The following PTPRD variants were observed in gnomAD, a reference collection of about 807,000 sequenced individuals.
The protein encoded by PTPRD is receptor-type tyrosine-protein phosphatase delta.
Under a neutral mutation model 214.5 loss-of-function variants are expected in PTPRD, and 34 were observed. The ratio of observed to expected loss-of-function variants is 0.16; its 90% CI spans 0.12 to 0.21. The LOEUF is 0.21. Among genes scored for constraint, PTPRD ranks in the 10% least tolerant of loss-of-function variants. The probability of loss-of-function intolerance (pLI) is 1.00; values close to 1 mark genes in which losing one functional copy is unlikely to be tolerated. For missense variants in PTPRD, 2,545 were observed against 2,398.7 expected (o/e 1.06, Z -1.27); for synonymous variants, 1,128 against 845.7 (o/e 1.33, Z -5.79).
chr9:10,168,183 C>G (rs2099170899), intron 3 of PTPRD, among the ~76,000 whole-genome samples: 2 of 152,090 alleles, frequency 1.3e-5, no homozygotes, highest in South Asian at 4.2e-4. Flanking sequence ...GTAGTTGTCA[C>G]AATAAATCAA....
At chr9:9,704,601 C>T (rs912412985) in intron 7 of PTPRD, among the ~76,000 whole-genome samples, 4 of 152,140 alleles carry the variant, frequency 2.6e-5, no homozygotes, top group African/African-American at 7.2e-5. Flanking sequence ...GCCAAAGTAA[C>T]GTTCTGGAAC....
chr9:10,047,164 CAAT>C (rs2097417001), intron 3 of PTPRD, among the ~76,000 whole-genome samples: 1 of 151,840 alleles, frequency 6.6e-6, no homozygotes, highest in Non-Finnish European at 1.5e-5. Flanking sequence ...CATAAAATTA[CAAT>C]GTTTGAAGAC....
chr9:10,200,677 A>G (rs2099416218), intron 3 of PTPRD, among the ~76,000 whole-genome samples: 2 of 152,114 alleles, frequency 1.3e-5, no homozygotes, highest in African/African-American at 4.8e-5. Context: ...TTATTGCAGA[A>G]AGGACTTAGA....
At chr9:9,782,349 C>T (rs1402097882) in intron 5 of PTPRD, among the ~76,000 whole-genome samples, 1 of 152,096 alleles carries the variant, frequency 6.6e-6, no homozygotes, top group Admixed American at 6.6e-5. Flanking sequence ...GAATTCCTAA[C>T]CCCTTAAAGT....
chr9:9,798,496 C>T (rs1361741820), intron 5 of PTPRD, among the ~76,000 whole-genome samples: 4 of 152,110 alleles, frequency 2.6e-5, no homozygotes, highest in African/African-American at 7.2e-5. Context: ...GACATAAGGA[C>T]GTTCCTTTCT....
At chr9:10,323,202 T>TCCCTC (rs1197328143) in intron 3 of PTPRD, among the ~76,000 whole-genome samples, 49 of 95,086 alleles carry the variant, frequency 5.2e-4, no homozygotes, top group African/African-American at 2.1e-3. Context: ...TCTTTCTTCT[T>TCCCTC]CCCTCCCCTC....
At chr9:9,303,126 A>G (rs896582104) in intron 9 of PTPRD, among the ~76,000 whole-genome samples, 1 of 152,012 alleles carries the variant, frequency 6.6e-6, no homozygotes, top group Admixed American at 6.6e-5. Flanking sequence ...GAGGGAGATA[A>G]TTTGGAAATA....
At chr9:9,263,686 G>T (rs1032579789) in intron 9 of PTPRD, among the ~76,000 whole-genome samples, 1 of 151,536 alleles carries the variant, frequency 6.6e-6, no homozygotes, top group Non-Finnish European at 1.5e-5. Flanking sequence ...GCTAGCCACA[G>T]AAGATATTAA....
chr9:10,547,888 G>A (rs917587467), intron 2 of PTPRD, among the ~76,000 whole-genome samples: 21 of 152,004 alleles, frequency 1.4e-4, no homozygotes, highest in African/African-American at 4.1e-4. Flanking sequence ...GGTTGGGATC[G>A]TGTTTTAATA....
At chr9:10,453,192 C>A (rs1472871783) in intron 2 of PTPRD, among the ~76,000 whole-genome samples, 1 of 151,676 alleles carries the variant, frequency 6.6e-6, no homozygotes, top group African/African-American at 2.4e-5. Context: ...TGTTTTCATA[C>A]CAATACCATA....
At chr9:10,133,896 A>C (rs1355326018) in intron 3 of PTPRD, among the ~76,000 whole-genome samples, 1 of 152,156 alleles carries the variant, frequency 6.6e-6, no homozygotes, top group Non-Finnish European at 1.5e-5. Flanking sequence ...GGTGAGTTTA[A>C]CTACTTTTTT....
intron 3 of PTPRD, among the ~76,000 whole-genome samples, chr9:10,267,472 G>A (rs570276923): frequency 3.9e-5 from 6 of 152,120 alleles, no homozygotes; most frequent in African/African-American, 1.4e-4. Context: ...TTTTTTAATG[G>A]TTAAGTTTTT....
At chr9:9,817,917 A>T (rs1598659247) in intron 5 of PTPRD, among the ~76,000 whole-genome samples, 1 of 152,194 alleles carries the variant, frequency 6.6e-6, no homozygotes. Context: ...AGGATACTCC[A>T]CCATTTTAAG....
At chr9:8,400,635 T>G (rs962365511) in intron 36 of PTPRD, among the ~76,000 whole-genome samples, 1 of 152,094 alleles carries the variant, frequency 6.6e-6, no homozygotes, top group East Asian at 1.9e-4. Flanking sequence ...CCTGCACCGG[T>G]AGGAAAGTGT....
In PTPRD at chr9:8,389,335, G is replaced by A. The variant is rs2135656308; in HGVS notation, c.4283C>T (p.Thr1428Ile). The A allele has an allele frequency of 6.2e-7, 1 of 1,612,952 alleles. No homozygotes were observed. Among genetic ancestry groups the A allele is most frequent in the African/African-American group, 1.3e-5 (1 of 74,938 alleles). Residue 1428 changes from threonine to isoleucine, a missense_variant, in exon 37 of 46, where the codon ACA becomes ATA. Physicochemically the swap from Thr to Ile is moderately conservative, Grantham distance 89. Coordinates refer to ENST00000381196, the MANE Select transcript of PTPRD (RefSeq NM_002839.4). ...AAATGTTTCGGGGAGAGATCCCTGT[G>A]TTGCAATATAGGCATTTTGCTTCCT... Reference protein sequence around the residue: ...GYRKQNAYIATQGSLPETFGD... With the variant: ...GYRKQNAYIAIQGSLPETFGD...
At chr9:10,234,848 G>A (rs2099623675) in intron 3 of PTPRD, among the ~76,000 whole-genome samples, 1 of 151,826 alleles carries the variant, frequency 6.6e-6, no homozygotes, top group Non-Finnish European at 1.5e-5. Flanking sequence ...TACTTCGGGA[G>A]ATTAACTTAC....
chr9:9,187,728 A>G (rs2099932529), intron 9 of PTPRD, among the ~76,000 whole-genome samples: 2 of 151,992 alleles, frequency 1.3e-5, no homozygotes, highest in South Asian at 2.1e-4. Context: ...TGCAGTGAAC[A>G]ATATATAAAA....
At chr9:8,700,829 T>C (rs994015595) in intron 12 of PTPRD, 1 of 152,178 alleles carries the variant, frequency 6.6e-6, no homozygotes, top group African/African-American at 2.4e-5. Flanking sequence ...TTAAATACCA[T>C]TGCTCACCAA....
At chr9:9,181,070 T>C (rs1396895622) in intron 10 of PTPRD, among the ~76,000 whole-genome samples, 2 of 152,098 alleles carry the variant, frequency 1.3e-5, no homozygotes, top group Non-Finnish European at 2.9e-5. Flanking sequence ...GTTGGAGTTC[T>C]TGCTCTAACT....
Sources: gnomAD v4.1 joint callset for allele counts (sites outside exome capture counted in the v4.1 genomes callset) on GRCh38, gnomAD v4.1.1 for gene constraint, MANE v1.5 for transcripts, NCBI Gene and HGNC (gene_info 2026-07-23, HGNC 2026-07-21) for gene names.